SGCZ: variants seen among roughly 807,000 people sequenced by gnomAD.
The protein encoded by SGCZ is sarcoglycan zeta, also known as zeta-sarcoglycan.
Under a neutral mutation model 41.3 loss-of-function variants are expected in SGCZ, and 40 were observed. The observed-to-expected ratio is 0.97, with a 90% CI of 0.75 to 1.26. The LOEUF is 1.26. Ranked by LOEUF, SGCZ falls within the 50% of genes most tolerant of loss-of-function variation. SGCZ has a pLI of 0.00. For synonymous variants in SGCZ, 206 were observed against 137.5 expected (o/e 1.50, Z -3.49); for missense variants, 552 against 369.8 (o/e 1.49, Z -4.04).
At chr8:14,576,322 C>T (rs1804710825) in intron 1 of SGCZ, among the ~76,000 whole-genome samples, 1 of 152,052 alleles carries the variant, frequency 6.6e-6, no homozygotes. Flanking sequence ...CAATGAAAGT[C>T]TATCCTGAAG....
intron 1 of SGCZ, among the ~76,000 whole-genome samples, chr8:14,971,284 C>T (rs766862986): frequency 6.6e-6 from 1 of 152,056 alleles, no homozygotes; most frequent in Non-Finnish European, 1.5e-5. Context: ...CCTTGTTTCA[C>T]TGGGTAACAT....
intron 5 of SGCZ, among the ~76,000 whole-genome samples, chr8:14,148,202 A>G (rs1451004330): frequency 6.6e-6 from 1 of 152,146 alleles, no homozygotes; most frequent in Non-Finnish European, 1.5e-5. Flanking sequence ...ATAAAATATT[A>G]GAGCAGAGAT....
chr8:14,180,452 G>A (rs1031614507), intron 4 of SGCZ, among the ~76,000 whole-genome samples: 9 of 152,030 alleles, frequency 5.9e-5, no homozygotes, highest in African/African-American at 9.7e-5. Context: ...GGCCTGGTAC[G>A]CTGATGGGTC....
chr8:14,495,362 T>A (rs996567887), intron 2 of SGCZ, among the ~76,000 whole-genome samples: 3 of 152,182 alleles, frequency 2.0e-5, no homozygotes, highest in Admixed American at 6.5e-5. Flanking sequence ...CTGAATAAAT[T>A]AGCATGCTTA....
At chr8:14,783,046 T>C (rs1460562415) in intron 1 of SGCZ, among the ~76,000 whole-genome samples, 1 of 152,178 alleles carries the variant, frequency 6.6e-6, no homozygotes, top group Non-Finnish European at 1.5e-5. Context: ...AATTCAAATG[T>C]TTTACAAATT....
chr8:14,108,163 C>G lies in SGCZ; in HGVS notation c.620G>C (p.Arg207Thr). The G allele has an allele frequency of 6.2e-7, 1 of 1,614,036 alleles. No homozygotes were observed. The highest frequency in any genetic ancestry group is 8.5e-7 in the Non-Finnish European group (1 of 1,179,958). The stretch of plus-strand genomic sequence containing the variant: ...CACAGGTATAAGAGGAAGCCCTTAC[C>G]TGAGATCTTGGGATGGCTCTGCTCT... ...HIRAEPSQDL[R>T]LESPTRSLIM... Residue 207 changes from arginine (R) to threonine (T), a missense_variant and splice_region_variant, in exon 6 of 8, where the codon AGG becomes ACG. By Grantham distance (71) the Arg-to-Thr change is moderately conservative. Transcript: ENST00000382080.
chr8:14,955,555 C>A (rs973998617), intron 1 of SGCZ, among the ~76,000 whole-genome samples: 1 of 152,094 alleles, frequency 6.6e-6, no homozygotes, highest in Non-Finnish European at 1.5e-5. Flanking sequence ...ATATTGTTAC[C>A]GATACATGGT....
intron 1 of SGCZ, among the ~76,000 whole-genome samples, chr8:14,623,630 T>C (rs753205410): frequency 2.2e-4 from 33 of 152,210 alleles, no homozygotes; most frequent in Non-Finnish European, 4.1e-4. Flanking sequence ...TCCAGGTTTC[T>C]TTGTAGCTTC....
intron 2 of SGCZ, among the ~76,000 whole-genome samples, chr8:14,518,987 T>C (rs1337585028): frequency 2.7e-5 from 4 of 150,322 alleles, no homozygotes; most frequent in Middle Eastern, 3.5e-3. Flanking sequence ...GAGAATCGCT[T>C]GAACCCAGGA....
At chr8:14,818,421 C>T (rs534426269) in intron 1 of SGCZ, among the ~76,000 whole-genome samples, 1 of 152,126 alleles carries the variant, frequency 6.6e-6, no homozygotes, top group East Asian at 1.9e-4. Flanking sequence ...CTAGCCAGAA[C>T]CAAAACCAAC....
intron 1 of SGCZ, among the ~76,000 whole-genome samples, chr8:14,763,070 C>A (rs1810446148): frequency 6.6e-6 from 1 of 152,102 alleles, no homozygotes; most frequent in Non-Finnish European, 1.5e-5. Flanking sequence ...AAACAACAAT[C>A]AATATTTTTA....
chr8:14,295,574 C>A (rs1800979813), intron 3 of SGCZ, among the ~76,000 whole-genome samples: 1 of 152,036 alleles, frequency 6.6e-6, no homozygotes, highest in Non-Finnish European at 1.5e-5. Flanking sequence ...GTAAGTAGTG[C>A]AGGATTCAAC....
rs1804708266 is a variant in SGCZ at position 14,576,225 on chromosome 8, G to A, written c.40-21299C>T. 2.0e-5 allele frequency among the ~76,000 whole-genome samples: 3 copies of A among 152,128 alleles called. 1 individual carries two copies. The South Asian group carries it at 6.2e-4, about 32-fold the overall frequency. On this transcript the variant is annotated intron_variant, in intron 1 of 7. Transcript: ENST00000382080. ...GTTTTGTGGTGTGCTGTCTATGTCG[G>A]CATATTGAAAACATACAGACAATGT... is the stretch of plus-strand genomic sequence containing the variant.
At chr8:14,201,360 A>G (rs902850365) in intron 4 of SGCZ, among the ~76,000 whole-genome samples, 1 of 152,188 alleles carries the variant, frequency 6.6e-6, no homozygotes, top group Non-Finnish European at 1.5e-5. Context: ...TCACCAAAAA[A>G]GACTGAAAAA....
intron 1 of SGCZ, among the ~76,000 whole-genome samples, chr8:15,186,771 G>A (rs558364062): frequency 3.3e-5 from 5 of 152,152 alleles, no homozygotes; most frequent in South Asian, 2.1e-4. Context: ...TAAGACTTTC[G>A]CCTATAATTA....
In SGCZ at chr8:14,851,155, G is replaced by T. The variant is rs781190991; in HGVS notation, c.40-296229C>A. Among the ~76,000 whole-genome samples, 42 of 152,034 alleles carry T rather than the reference G, an allele frequency of 2.8e-4. 1 individual carries two copies. Among genetic ancestry groups the T allele is most frequent in the Non-Finnish European group, 3.7e-4 (25 of 68,010 alleles). ...GAGGCCAAGGCGGGCGGATCACGAGGTCAGGAGATCGAGGCCATCCTGGCT... is the reference window on the plus strand; with the variant it reads ...GAGGCCAAGGCGGGCGGATCACGAGTTCAGGAGATCGAGGCCATCCTGGCT... On this transcript the variant is annotated intron_variant, in intron 1 of 7. Coordinates refer to ENST00000382080, the MANE Select transcript of SGCZ (RefSeq NM_139167.4).
At chr8:15,189,544 A>G (rs916415737) in intron 1 of SGCZ, among the ~76,000 whole-genome samples, 1 of 150,210 alleles carries the variant, frequency 6.7e-6, no homozygotes, top group African/African-American at 2.4e-5. Flanking sequence ...GCATTTCAAA[A>G]TACTTCATGA....
chr8:15,022,356 ATTTT>A (rs1347925000), intron 1 of SGCZ, among the ~76,000 whole-genome samples: 1 of 151,772 alleles, frequency 6.6e-6, no homozygotes, highest in Non-Finnish European at 1.5e-5. Context: ...TTATTTATTT[ATTTT>A]TTGAGACAGA....
At chr8:14,174,962 G>T (rs371366817) in intron 4 of SGCZ, among the ~76,000 whole-genome samples, 37 of 152,084 alleles carry the variant, frequency 2.4e-4, no homozygotes, top group East Asian at 1.9e-3. Flanking sequence ...AAGGACAGGG[G>T]TCATATTGTA....
Sources: allele counts gnomAD v4.1 joint callset (sites outside exome capture counted in the v4.1 genomes callset), GRCh38; gene constraint gnomAD v4.1.1; transcripts MANE v1.5; gene names NCBI Gene and HGNC (gene_info 2026-07-23, HGNC 2026-07-21).